PKP1: variants seen among roughly 807,000 people sequenced by gnomAD.
PKP1 encodes plakophilin-1.
In PKP1, 27 loss-of-function variants were observed where a neutral mutation model predicts 76.4. The ratio of observed to expected loss-of-function variants is 0.35; its 90% CI spans 0.26 to 0.49. PKP1 has a LOEUF of 0.49. PKP1 is among the 20% of genes least tolerant of loss of function. PKP1 has a pLI of 0.99. For missense variants in PKP1, 964 were observed against 955.2 expected, an observed-to-expected ratio of 1.01 and a Z score of -0.12; for synonymous variants, 404 against 384.2, an observed-to-expected ratio of 1.05 and a Z score of -0.60.
At chr1:201,286,610 T>C (rs904000267) in intron 1 of PKP1, among the ~76,000 whole-genome samples, 2 of 152,196 alleles carry the variant, frequency 1.3e-5, no homozygotes, top group African/African-American at 4.8e-5. Context: ...CACCTTGCCC[T>C]GGTCATGAAG....
At chr1:201,284,422 G>A (rs1655667750) in intron 1 of PKP1, among the ~76,000 whole-genome samples, 2 of 152,188 alleles carry the variant, frequency 1.3e-5, no homozygotes, top group Admixed American at 6.5e-5. Flanking sequence ...CCAGGCCAAG[G>A]GGAACCCCAG....
chr1:201,323,879 G>A (rs562940917), intron 9 of PKP1, among the ~76,000 whole-genome samples: 3 of 152,054 alleles, frequency 2.0e-5, no homozygotes, highest in Non-Finnish European at 4.4e-5. Flanking sequence ...TTGCTTAGAG[G>A]CCTGGGCGAA....
rs1329127465 is a variant in PKP1 at position 201,317,445 on chromosome 1, G to T, written c.847-127G>T. 4.9e-6 allele frequency: 4 copies of T among 808,832 alleles called. No individual in the cohort carries two copies. The South Asian group carries it at 5.9e-5, about 12-fold the overall frequency. 50.1% of individuals were successfully genotyped at this position (808,832 alleles called of 1,614,324 possible). ...TGACCTCACACTGCTTATTTATTTT[G>T]GTTGACTTGAATATTTCTGAACTGA... On this transcript the variant is annotated intron_variant, in intron 4 of 13. Coordinates refer to ENST00000367324, the MANE Select transcript of PKP1 (RefSeq NM_001005337.3).
rs1655637873 is a variant in PKP1, at chr1:201,283,651, C to G, written c.-52C>G. On this transcript the variant is annotated 5_prime_UTR_variant, in exon 1 of 14. Coordinates refer to ENST00000367324, the MANE Select transcript of PKP1 (RefSeq NM_001005337.3). ...CCGCCCGCTGCACCGCACCTCGCCT[C>G]GCCTCTCTGCTCTCCTAGGCCCCGG... 2 of 1,507,320 alleles carry G rather than the reference C, an allele frequency of 1.3e-6. No individual in the cohort carries two copies. The highest frequency in any genetic ancestry group is 1.8e-6 in the Non-Finnish European group (2 of 1,093,916). 93.4% of individuals were successfully genotyped at this position (1,507,320 alleles called of 1,614,324 possible). A position where few individuals can be genotyped will look rare whatever the true frequency, so the allele number is the denominator to read the frequency against.
chr1:201,316,708 G>A lies in PKP1; in HGVS notation c.846+11G>A. 1.9e-6 allele frequency: 3 copies of A among 1,613,478 alleles called. No homozygotes were observed. The highest frequency in any genetic ancestry group is 2.5e-6 in the Non-Finnish European group (3 of 1,179,974). Reference sequence around the variant, plus strand: ...TCTGCCAAGCAACAGGTAGCTGGTTGCATACCTTCCTCCTTGGTGGGCCTG... The same window carrying A: ...TCTGCCAAGCAACAGGTAGCTGGTTACATACCTTCCTCCTTGGTGGGCCTG... On this transcript the variant is annotated intron_variant, in intron 4 of 13. Coordinates refer to ENST00000367324, the MANE Select transcript of PKP1 (RefSeq NM_001005337.3).
At position 201,283,639 on chromosome 1, in the gene PKP1, C is replaced by T; in HGVS notation, c.-64C>T. On this transcript the variant is annotated 5_prime_UTR_variant, in exon 1 of 14. Coordinates refer to ENST00000367324, the MANE Select transcript of PKP1 (RefSeq NM_001005337.3). ...GCACGCTCCTGCCCGCCCGCTGCAC[C>T]GCACCTCGCCTCGCCTCTCTGCTCT... 1 of 1,416,806 alleles carries T rather than the reference C, an allele frequency of 7.1e-7. No individual in the cohort carries two copies. Among genetic ancestry groups the T allele is most frequent in the Non-Finnish European group, 9.8e-7 (1 of 1,017,086 alleles). The allele number at this position is 1,416,806 out of a possible 1,614,324, so 87.8% of individuals were successfully genotyped here. A position where few individuals can be genotyped will look rare whatever the true frequency, so the allele number is the denominator to read the frequency against.
At chr1:201,325,897 T>C in intron 12 of PKP1, 59 bp downstream of exon 12, 2 of 1,275,412 alleles carry the variant, frequency 1.6e-6, no homozygotes, top group Non-Finnish European at 2.3e-6. Flanking sequence ...GCAGAGGGCC[T>C]GGCATATGCT....
intron 2 of PKP1, among the ~76,000 whole-genome samples, chr1:201,306,767 T>C (rs1656378794): frequency 6.6e-6 from 1 of 152,190 alleles, no homozygotes; most frequent in Admixed American, 6.5e-5. Flanking sequence ...CTCCACCTTC[T>C]GGGTTCATGC....
At chr1:201,292,273 G>A (rs1384306915) in intron 1 of PKP1, among the ~76,000 whole-genome samples, 1 of 152,180 alleles carries the variant, frequency 6.6e-6, no homozygotes, top group Admixed American at 6.5e-5. Context: ...CAGGGCAGTG[G>A]AACTGTACGG....
rs1257343605 is a variant in PKP1, at chr1:201,325,107, C to T, written c.2001C>T (p.Ile667=). 6.2e-7 allele frequency: 1 copy of T among 1,613,902 alleles called. No homozygotes were observed. The highest frequency in any genetic ancestry group is 8.5e-7 in the Non-Finnish European group (1 of 1,180,040). The change falls in exon 11 of 14, where the codon ATC becomes ATT. Residue 667 remains isoleucine (I), a synonymous_variant. Transcript: ENST00000367324. Reference sequence around the variant, plus strand: ...TCTCCAGCAGCATGCTCAACAACATCATCAACCTGTGCCGAAGCAGGTGGG... The same window carrying T: ...TCTCCAGCAGCATGCTCAACAACATTATCAACCTGTGCCGAAGCAGGTGGG... ...QYFSSSMLNN[I]INLCRSSASP... is the part of the protein sequence containing the mutation.
In PKP1 at chr1:201,327,135, TGCTGCTCCCTGCAATTTA is replaced by T. The variant is rs1657149741; in HGVS notation, c.2106+1300_2106+1317del. Among the ~76,000 whole-genome samples, 4 of 152,272 alleles carry T rather than the reference TGCTGCTCCCTGCAATTTA, an allele frequency of 2.6e-5. No individual in the cohort carries two copies. The South Asian group carries it at 8.3e-4, about 32-fold the overall frequency. ...TGGATGGGGAGTTGCTGAGAGGAGA[TGCTGCTCCCTGCAATTTA>T]GCCTGCAGAAAAAGGAGCAAAACAG... On this transcript the variant is annotated intron_variant, in intron 12 of 13. Transcript: ENST00000367324.
intron 2 of PKP1, among the ~76,000 whole-genome samples, chr1:201,303,304 C>T (rs1380065112): frequency 6.6e-6 from 1 of 151,894 alleles, no homozygotes; most frequent in African/African-American, 2.4e-5. Context: ...AGGCACGTGC[C>T]AGTTTTAGAG....
At chr1:201,311,657 A>G (rs895471903) in intron 2 of PKP1, among the ~76,000 whole-genome samples, 1 of 143,354 alleles carries the variant, frequency 7.0e-6, no homozygotes, top group African/African-American at 2.5e-5. Context: ...GGAATTACCC[A>G]GTTGCCTAAC....
Position 201,326,385 on chromosome 1 carries a change from T to C in PKP1, c.2106+547T>C, listed in dbSNP as rs142285166. ...TTGTCCTGTGGTGACCTTGGCCTCC[T>C]CTCTGTCCTCCACCCCTCCCCAGCT... is the stretch of plus-strand genomic sequence containing the variant. On this transcript the variant is annotated intron_variant, in intron 12 of 13. Coordinates refer to ENST00000367324, the MANE Select transcript of PKP1 (RefSeq NM_001005337.3). Among the ~76,000 whole-genome samples, 463 of 152,326 alleles carry C rather than the reference T, an allele frequency of 3.0e-3. 4 individuals carry two copies. The highest frequency in any genetic ancestry group is 0.01 in the African/African-American group (433 of 41,576).
intron 1 of PKP1, among the ~76,000 whole-genome samples, chr1:201,285,204 G>C (rs191900112): frequency 0.01 from 1,474 of 145,878 alleles, 12 homozygotes; most frequent in Non-Finnish European, 0.016. Context: ...AAAAGAAACC[G>C]ACCCTGGCCC....
chr1:201,291,440 C>A (rs1655914888), intron 1 of PKP1, among the ~76,000 whole-genome samples: 3 of 152,212 alleles, frequency 2.0e-5, no homozygotes, highest in Admixed American at 2.0e-4. Flanking sequence ...GGCAGAGAGG[C>A]CTCTACCTTC....
chr1:201,306,697 C>T (rs539800312), intron 2 of PKP1, among the ~76,000 whole-genome samples: 5 of 151,436 alleles, frequency 3.3e-5, no homozygotes, highest in South Asian at 4.2e-4. Flanking sequence ...TTTTTTGAGA[C>T]GGAGTCTCGC....
Position 201,294,793 on chromosome 1 carries a change from T to G in PKP1, c.306+748T>G, listed in dbSNP as rs189794689. 2.9e-3 allele frequency among the ~76,000 whole-genome samples: 449 copies of G among 152,354 alleles called. 2 individuals carry two copies. The highest frequency in any genetic ancestry group is 8.8e-3 in the African/African-American group (364 of 41,590). ...CTAAGTGATCTCAATCCACTATACT[T>G]CATCTATCCATTTACTGAACAAATA... On this transcript the variant is annotated intron_variant, in intron 2 of 13. Transcript: ENST00000367324.
In PKP1 at chr1:201,325,044, C is replaced by G. The variant is rs781360485; in HGVS notation, c.1938C>G (p.Asn646Lys). The stretch of plus-strand genomic sequence containing the variant: ...CCTCGGCCTGCTACACTGTGAGGAA[C>G]CTGATGGCCTCGCAGCCACAACTGG... ...ILSSACYTVR[N>K]LMASQPQLAK... Residue 646 changes from asparagine (N) to lysine (K), a missense_variant, in exon 11 of 14, where the codon AAC (asparagine) becomes AAG (lysine). Coordinates refer to ENST00000367324, the MANE Select transcript of PKP1 (RefSeq NM_001005337.3). 10 of 1,613,772 alleles carry G rather than the reference C, an allele frequency of 6.2e-6. No individual in the cohort carries two copies. The Admixed American group carries it at 1.0e-4, about 16-fold the overall frequency.
Sources: allele counts gnomAD v4.1 joint callset (sites outside exome capture counted in the v4.1 genomes callset), GRCh38; gene constraint gnomAD v4.1.1; transcripts MANE v1.5; gene names NCBI Gene and HGNC (gene_info 2026-07-23, HGNC 2026-07-21).